Variants in ADAMTS17 observed in about 807,000 individuals in gnomAD.
The protein encoded by ADAMTS17 is ADAM metallopeptidase with thrombospondin type 1 motif 17.
In ADAMTS17, 113 loss-of-function variants were observed where a neutral mutation model predicts 141.5. That is an observed-to-expected ratio of 0.80 (90% confidence interval 0.69 to 0.93). ADAMTS17 has a LOEUF of 0.93. ADAMTS17 is among the 40% of genes least tolerant of loss of function. The pLI, the probability that ADAMTS17 is intolerant of heterozygous loss-of-function variation, is 0.00. For missense variants in ADAMTS17, 1,659 were observed against 1,517.9 expected, an observed-to-expected ratio of 1.09 and a Z score of -1.54; for synonymous variants, 768 against 630.6, an observed-to-expected ratio of 1.22 and a Z score of -3.27.
At position 100,266,528 on chromosome 15, in the gene ADAMTS17, G is replaced by A. The variant is rs149896592; in HGVS notation, c.790-4093C>T. On this transcript the variant is annotated intron_variant, in intron 4 of 21. Coordinates refer to ENST00000268070, the MANE Select transcript of ADAMTS17 (RefSeq NM_139057.4). ...TCCCTCTTCTGCTTAAGCCCGTGCA[G>A]CAGCTTCCCACTGCCTGGAATGAGG... is the stretch of plus-strand genomic sequence containing the variant. Among the ~76,000 whole-genome samples the A allele has an allele frequency of 2.8e-3, 428 of 152,318 alleles. 1 individual carries two copies. The highest frequency in any genetic ancestry group is 9.5e-3 in the African/African-American group (394 of 41,566).
chr15:100,047,221 C>A (rs2031770268), intron 18 of ADAMTS17, among the ~76,000 whole-genome samples: 1 of 143,002 alleles, frequency 7.0e-6, no homozygotes, highest in African/African-American at 2.8e-5. Context: ...CAAACCCTAT[C>A]TCCTGATAAG....
At chr15:100,214,899 T>A (rs2041922627) in intron 7 of ADAMTS17, among the ~76,000 whole-genome samples, 1 of 152,250 alleles carries the variant, frequency 6.6e-6, no homozygotes, top group Admixed American at 6.5e-5. Context: ...TGTTGCACTG[T>A]CCCGTGACAA....
chr15:100,275,047 A>G (rs1179023481), intron 4 of ADAMTS17, among the ~76,000 whole-genome samples: 1 of 152,206 alleles, frequency 6.6e-6, no homozygotes, highest in Non-Finnish European at 1.5e-5. Context: ...CTACCCAGGA[A>G]AGAGCAGGCT....
intron 19 of ADAMTS17, among the ~76,000 whole-genome samples, chr15:99,994,782 G>C (rs1011143116): frequency 5.3e-5 from 8 of 152,310 alleles, no homozygotes; most frequent in African/African-American, 1.9e-4. Flanking sequence ...AGCCAGGATG[G>C]TCTCAATCTC....
chr15:100,050,993 T>C (rs1012617112), intron 17 of ADAMTS17, among the ~76,000 whole-genome samples: 3 of 152,234 alleles, frequency 2.0e-5, no homozygotes, highest in African/African-American at 7.2e-5. Context: ...GCTCACCCTG[T>C]GGACCCTGCA....
chr15:100,167,109 G>T (rs1468274477), intron 8 of ADAMTS17, among the ~76,000 whole-genome samples: 1 of 152,200 alleles, frequency 6.6e-6, no homozygotes, highest in African/African-American at 2.4e-5. Context: ...TTAATTAAGA[G>T]AAATTTAAAT....
intron 8 of ADAMTS17, among the ~76,000 whole-genome samples, chr15:100,171,892 C>T (rs368668185): frequency 2.0e-5 from 3 of 152,320 alleles, no homozygotes; most frequent in Admixed American, 6.5e-5. Context: ...TATGGCCTCT[C>T]TGCCTGTGTT....
intron 20 of ADAMTS17, among the ~76,000 whole-genome samples, chr15:99,983,150 A>G (rs1383899387): frequency 6.6e-6 from 1 of 152,166 alleles, no homozygotes; most frequent in Non-Finnish European, 1.5e-5. Flanking sequence ...TAATAATAAC[A>G]GTAACGGCAG....
chr15:100,211,525 T>G (rs1234007724), intron 7 of ADAMTS17, among the ~76,000 whole-genome samples: 3 of 152,130 alleles, frequency 2.0e-5, no homozygotes, highest in East Asian at 3.9e-4. Context: ...TTCGAATCTG[T>G]CAGAGGAAAA....
intron 7 of ADAMTS17, among the ~76,000 whole-genome samples, chr15:100,217,983 G>A (rs906753756): frequency 6.6e-6 from 1 of 152,158 alleles, no homozygotes; most frequent in African/African-American, 2.4e-5. Context: ...CGGGCTCAGG[G>A]CATCCTCCCA....
chr15:100,090,040 A>G (rs1405069884), intron 15 of ADAMTS17, among the ~76,000 whole-genome samples: 3 of 151,978 alleles, frequency 2.0e-5, no homozygotes, highest in South Asian at 2.1e-4. Context: ...TGGAAAAAAA[A>G]TTGTGTTTGC....
intron 14 of ADAMTS17, among the ~76,000 whole-genome samples, chr15:100,096,880 TG>T (rs1046692168): frequency 3.3e-5 from 5 of 152,182 alleles, no homozygotes; most frequent in African/African-American, 4.8e-5. Context: ...CTCTAGGCTG[TG>T]GGGGTCACCT....
intron 7 of ADAMTS17, among the ~76,000 whole-genome samples, chr15:100,217,176 C>G (rs2041994656): frequency 6.6e-6 from 1 of 152,160 alleles, no homozygotes; most frequent in South Asian, 2.1e-4. Context: ...ACCAAAATGT[C>G]ATCTCGGACA....
chr15:100,321,702 G>C (rs2045738806), intron 3 of ADAMTS17, among the ~76,000 whole-genome samples: 1 of 152,134 alleles, frequency 6.6e-6, no homozygotes, highest in African/African-American at 2.4e-5. Context: ...AACTTACAAA[G>C]CAGAGATCAA....
rs946108501 is a variant in ADAMTS17, at chr15:100,341,275, G to C, written c.214C>G (p.Pro72Ala). The C allele has an allele frequency of 7.0e-4, 828 of 1,177,566 alleles. 1 individual carries two copies. The highest frequency in any genetic ancestry group is 8.0e-4 in the Non-Finnish European group (768 of 956,946). 72.9% of individuals were successfully genotyped at this position (1,177,566 alleles called of 1,614,324 possible). A position where few individuals can be genotyped will look rare whatever the true frequency, so the allele number is the denominator to read the frequency against. ...RRRPRTPPAA[P>A]RARPGERALL... ...GCGCGCTCTCCGGGCCGGGCGCGCG[G>C]GGCGGCTGGGGGCGTGCGGGGGCGT... The change falls in exon 2 of 22, where the codon CCG becomes GCG. Residue 72 changes from proline to alanine, a missense_variant. Coordinates refer to ENST00000268070, the MANE Select transcript of ADAMTS17 (RefSeq NM_139057.4).
chr15:100,113,117 C>T (rs759748617), intron 13 of ADAMTS17, among the ~76,000 whole-genome samples: 9 of 152,102 alleles, frequency 5.9e-5, no homozygotes, highest in African/African-American at 9.7e-5. Flanking sequence ...CAGTCCCCGG[C>T]GGACAGGCCT....
At chr15:100,017,917 A>G (rs2061323031) in intron 18 of ADAMTS17, among the ~76,000 whole-genome samples, 1 of 152,248 alleles carries the variant, frequency 6.6e-6, no homozygotes, top group African/African-American at 2.4e-5. Context: ...TAAAATATAC[A>G]TAATGAAATT....
chr15:100,070,277 C>T (rs890188495), intron 15 of ADAMTS17, among the ~76,000 whole-genome samples: 2 of 149,756 alleles, frequency 1.3e-5, no homozygotes, highest in Non-Finnish European at 3.0e-5. Flanking sequence ...ACTTAGACTC[C>T]CACACAATAA....
chr15:100,274,552 T>C (rs1260110116), intron 4 of ADAMTS17, among the ~76,000 whole-genome samples: 1 of 152,232 alleles, frequency 6.6e-6, no homozygotes, highest in African/African-American at 2.4e-5. Flanking sequence ...AACCTCTGTG[T>C]CTGATCTACA....
Sources: allele counts gnomAD v4.1 joint callset (sites outside exome capture counted in the v4.1 genomes callset), GRCh38; gene constraint gnomAD v4.1.1; transcripts MANE v1.5; gene names NCBI Gene and HGNC (gene_info 2026-07-23, HGNC 2026-07-21).